Variants in SND1 observed in about 807,000 individuals in gnomAD.
SND1 encodes staphylococcal nuclease and tudor domain containing 1.
Under a neutral mutation model 121.7 loss-of-function variants are expected in SND1, and 38 were observed. The ratio of observed to expected loss-of-function variants is 0.31; its 90% CI spans 0.24 to 0.41. The LOEUF is 0.41. SND1 is among the 10% of genes least tolerant of loss of function. SND1 has a pLI of 1.00. For missense variants in SND1, 868 were observed against 1,184.6 expected (o/e 0.73, Z 3.92); for synonymous variants, 401 against 447.4 (o/e 0.90, Z 1.31).
intron 1 of SND1, among the ~76,000 whole-genome samples, chr7:127,667,737 A>AT (rs1795445098): frequency 6.6e-6 from 1 of 152,266 alleles, no homozygotes; most frequent in African/African-American, 2.4e-5. Flanking sequence ...ATTACAGATC[A>AT]GGCGTCGAAA....
intron 12 of SND1, among the ~76,000 whole-genome samples, chr7:127,883,034 T>C (rs769643031): frequency 1.3e-5 from 2 of 152,140 alleles, no homozygotes; most frequent in African/African-American, 4.8e-5. Context: ...AAGAGATGTT[T>C]AGGGTTCTAC....
chr7:127,720,210 G>T (rs766432366), intron 9 of SND1, among the ~76,000 whole-genome samples: 3 of 152,150 alleles, frequency 2.0e-5, no homozygotes, highest in East Asian at 1.9e-4. Flanking sequence ...TTTGTTTCAC[G>T]CATGAAAGAG....
rs1351354581 is a variant in SND1 at position 127,994,501 on chromosome 7, TGAAGCCCAAAGCAG to T, written c.1779+3446_1779+3459del. Among the ~76,000 whole-genome samples the T allele has an allele frequency of 3.2e-5, 4 of 124,138 alleles. No homozygotes were observed. The East Asian group carries it at 7.9e-4, about 25-fold the overall frequency. The allele number at this position is 124,138 out of a possible 152,430, so 81.4% of individuals were successfully genotyped here. A position where few individuals can be genotyped will look rare whatever the true frequency, so the allele number is the denominator to read the frequency against. ...GTGCCATTACCTGCTTCTCCAGCCT[TGAAGCCCAAAGCAG>T]CCAAATAACTCTCAAATGACGATCA... On this transcript the variant is annotated intron_variant, in intron 16 of 23. Coordinates refer to ENST00000354725, the MANE Select transcript of SND1 (RefSeq NM_014390.4).
At chr7:127,955,639 A>C (rs1343662627) in intron 15 of SND1, among the ~76,000 whole-genome samples, 1 of 152,106 alleles carries the variant, frequency 6.6e-6, no homozygotes, top group Non-Finnish European at 1.5e-5. Context: ...CCTGCCCCCC[A>C]GTCCCCTTTC....
At position 127,719,846 on chromosome 7, in the gene SND1, G is replaced by C. The variant is rs143498158; in HGVS notation, c.1039-1441G>C. 2.5e-4 allele frequency among the ~76,000 whole-genome samples: 38 copies of C among 152,262 alleles called. No homozygotes were observed. The East Asian group carries it at 7.2e-3, about 29-fold the overall frequency. Reference sequence around the variant, plus strand: ...TAAACCTTCTATGGACTTACAGATTGATTCCAGCTGTCATCTTTGTTTTTT... The same window carrying C: ...TAAACCTTCTATGGACTTACAGATTCATTCCAGCTGTCATCTTTGTTTTTT... On this transcript the variant is annotated intron_variant, in intron 9 of 23. Coordinates refer to ENST00000354725, the MANE Select transcript of SND1 (RefSeq NM_014390.4).
chr7:127,879,596 G>A (rs766209215), intron 12 of SND1, among the ~76,000 whole-genome samples: 2 of 152,098 alleles, frequency 1.3e-5, no homozygotes, highest in Non-Finnish European at 2.9e-5. Flanking sequence ...AACATCCCCT[G>A]CATAGCTGAC....
At chr7:127,994,449 G>C (rs1235093320) in intron 16 of SND1, among the ~76,000 whole-genome samples, 2 of 146,734 alleles carry the variant, frequency 1.4e-5, no homozygotes, top group Non-Finnish European at 3.0e-5. Flanking sequence ...CCAACCCCAG[G>C]GCAGGAAGAA....
At chr7:127,967,775 A>G (rs1160208850) in intron 15 of SND1, among the ~76,000 whole-genome samples, 1 of 152,246 alleles carries the variant, frequency 6.6e-6, no homozygotes, top group African/African-American at 2.4e-5. Context: ...AATATTTCCA[A>G]GAGATATCTG....
At chr7:128,027,923 A>G (rs571605391) in intron 16 of SND1, 1 of 152,576 alleles carries the variant, frequency 6.6e-6, no homozygotes, top group East Asian at 1.9e-4. Flanking sequence ...ATGTGAAAGC[A>G]TTAGACTGAG....
At chr7:127,777,073 C>T (rs1259170051) in intron 10 of SND1, among the ~76,000 whole-genome samples, 3 of 152,206 alleles carry the variant, frequency 2.0e-5, no homozygotes, top group Admixed American at 6.5e-5. Flanking sequence ...TTTTCATCCT[C>T]AGTCACAAAT....
rs749272149 is a variant in SND1 at position 127,775,404 on chromosome 7, A to G, written c.1153-32080A>G. Among the ~76,000 whole-genome samples, 114 of 149,780 alleles carry G rather than the reference A, an allele frequency of 7.6e-4. 3 individuals are homozygous for G. Among genetic ancestry groups the G allele is most frequent in the Non-Finnish European group, 1.6e-4 (11 of 67,810 alleles). ...GACTTTCCCTTTTATAATAACAAAT[A>G]TAATAAAAAAAACACACAGAGTTTT... On this transcript the variant is annotated intron_variant, in intron 10 of 23. Coordinates refer to ENST00000354725, the MANE Select transcript of SND1 (RefSeq NM_014390.4).
chr7:127,839,645 A>G (rs1798928340), intron 11 of SND1, among the ~76,000 whole-genome samples: 1 of 152,200 alleles, frequency 6.6e-6, no homozygotes, highest in African/African-American at 2.4e-5. Context: ...CAATTAATAT[A>G]TAAATTTAGT....
rs969328803 is a variant in SND1, at chr7:127,911,626, A to G, written c.1527+6807A>G. 5.9e-5 allele frequency among the ~76,000 whole-genome samples: 9 copies of G among 152,044 alleles called. No individual in the cohort carries two copies. In the South Asian group the frequency reaches 6.2e-4, roughly 11 times the overall value. ...AACCTCTGCCTCCCAGGTTCAAGCA[A>G]TTCTCCTGCCTCAGCCTCCTGAGTA... On this transcript the variant is annotated intron_variant, in intron 14 of 23. Coordinates refer to ENST00000354725, the MANE Select transcript of SND1 (RefSeq NM_014390.4).
intron 16 of SND1, 68 bp downstream of exon 16, chr7:127,991,124 T>A: frequency 1.8e-6 from 2 of 1,087,778 alleles, no homozygotes; most frequent in Non-Finnish European, 1.4e-6. Flanking sequence ...TGGTCTGCCA[T>A]GTCAGAGATC....
chr7:128,029,744 G>A lies in SND1; in HGVS notation c.1779+38688G>A. ...TGTCACAATCACAGTTCCAAGGGTT[G>A]TGGTGTAGATGCAACTCCACCAGGT... On this transcript the variant is annotated intron_variant, in intron 16 of 23. Coordinates refer to ENST00000354725, the MANE Select transcript of SND1 (RefSeq NM_014390.4). This position sits in a 1 kb window ranked among gnomAD's most constrained non-coding sequence, Gnocchi z 4.2. 2 of 1,614,156 alleles carry A rather than the reference G, an allele frequency of 1.2e-6. No homozygotes were observed. Among genetic ancestry groups the A allele is most frequent in the Non-Finnish European group, 1.7e-6 (2 of 1,180,054 alleles).
chr7:127,794,349 G>T (rs1797971544), intron 10 of SND1, among the ~76,000 whole-genome samples: 1 of 152,174 alleles, frequency 6.6e-6, no homozygotes, highest in South Asian at 2.1e-4. Flanking sequence ...CTTGTGTTTT[G>T]AAATGCACAA....
At chr7:128,028,805 T>C in intron 16 of SND1, 1 of 1,614,202 alleles carries the variant, frequency 6.2e-7, no homozygotes, top group Non-Finnish European at 8.5e-7. Context: ...CCCCATGTGC[T>C]GGTTTGTAGG....
At chr7:127,756,369 A>G (rs762955080) in intron 10 of SND1, among the ~76,000 whole-genome samples, 2 of 152,250 alleles carry the variant, frequency 1.3e-5, no homozygotes, top group African/African-American at 2.4e-5. Context: ...GGAATTTATC[A>G]TCTAAGATAA....
chr7:127,852,939 C>T (rs1044162657), intron 12 of SND1, among the ~76,000 whole-genome samples: 3 of 152,082 alleles, frequency 2.0e-5, no homozygotes, highest in African/African-American at 7.2e-5. Flanking sequence ...TGTAAACTTT[C>T]ATCTGCATTT....
Sources: gnomAD v4.1 joint callset for allele counts (sites outside exome capture counted in the v4.1 genomes callset) on GRCh38, gnomAD v4.1.1 for gene constraint, Gnocchi (gnomAD v3.1) non-coding constraint, MANE v1.5 for transcripts, NCBI Gene and HGNC (gene_info 2026-07-23, HGNC 2026-07-21) for gene names.